USP44: variants seen among roughly 807,000 people sequenced by gnomAD.
USP44 encodes the protein ubiquitin carboxyl-terminal hydrolase 44.
In USP44, 61 loss-of-function variants were observed where a neutral mutation model predicts 69.0. The observed-to-expected ratio is 0.88, with a 90% CI of 0.72 to 1.09. The LOEUF (loss-of-function observed/expected upper bound fraction) is 1.09, where lower values mean the gene tolerates loss of function less well. USP44 is among the 50% of genes least tolerant of loss of function. USP44 has a pLI of 0.00. For missense variants in USP44, 753 were observed against 849.9 expected, an observed-to-expected ratio of 0.89 and a Z score of 1.42; for synonymous variants, 297 against 295.4, an observed-to-expected ratio of 1.01 and a Z score of -0.06.
chr12:95,523,171 T>C (rs2076722454), intron 4 of USP44, among the ~76,000 whole-genome samples: 1 of 152,146 alleles, frequency 6.6e-6, no homozygotes, highest in Non-Finnish European at 1.5e-5. Flanking sequence ...AACTCTCCTT[T>C]GTAATAAATG....
At position 95,528,937 on chromosome 12, in the gene USP44, C is replaced by CT. The variant is rs781492186; in HGVS notation, c.1493dup (p.Phe499ValfsTer21). Reference sequence around the variant, plus strand: ...CACTGCATTGATACCTTTCTGGAAACTCCAATGACAAGTCCCAGAAAGGTT... The same window carrying CT: ...CACTGCATTGATACCTTTCTGGAAACTTCCAATGACAAGTCCCAGAAAGGTT... On this transcript the variant is annotated frameshift_variant, in exon 3 of 6. Coordinates refer to ENST00000258499, the MANE Select transcript of USP44 (RefSeq NM_032147.5). LOFTEE classifies it high-confidence loss of function. 85 of 1,613,880 alleles carry CT rather than the reference C, an allele frequency of 5.3e-5. 1 individual carries two copies. The highest frequency in any genetic ancestry group is 7.2e-5 in the Non-Finnish European group (85 of 1,179,982).
At position 95,534,143 on chromosome 12, in the gene USP44, AATGGACTCGGTCGT is replaced by A. The variant is rs766390259; in HGVS notation, c.100_113del (p.Thr34LeufsTer5). ...CATGGGAGCAGCTAAGGCAAGCCCA[AATGGACTCGGTCGT>A]GTTGCAGTCCACACAGTGCCATTTC... On this transcript the variant is annotated frameshift_variant, in exon 2 of 6. Transcript: ENST00000258499. LOFTEE classifies it high-confidence loss of function. 6.2e-7 allele frequency: 1 copy of A among 1,614,174 alleles called. No homozygotes were observed. The highest frequency in any genetic ancestry group is 8.5e-7 in the Non-Finnish European group (1 of 1,180,038).
At chr12:95,521,864 A>C (rs2076675192) in intron 4 of USP44, among the ~76,000 whole-genome samples, 1 of 152,100 alleles carries the variant, frequency 6.6e-6, no homozygotes, top group African/African-American at 2.4e-5. Context: ...TACAATCTGG[A>C]TCTTTCTTGG....
At chr12:95,522,319 C>G (rs1347650982) in intron 4 of USP44, among the ~76,000 whole-genome samples, 1 of 151,930 alleles carries the variant, frequency 6.6e-6, no homozygotes, top group East Asian at 1.9e-4. Flanking sequence ...AATGCTTAGT[C>G]CAGTGTAAAA....
Position 95,518,353 on chromosome 12 carries a change from C to T in USP44, c.1940G>A (p.Gly647Glu), listed in dbSNP as rs1187062443. The change falls in exon 6 of 6, where the codon GGG (glycine) becomes GAG (glutamate). Residue 647 changes from glycine to glutamate, a missense_variant and splice_region_variant. By Grantham distance (98) the Gly-to-Glu change is moderately conservative. Transcript: ENST00000258499. ...YTAYCYNSEGGFWVHCNDSKL... is the reference protein window; with the variant it reads ...YTAYCYNSEGEFWVHCNDSKL... Reference sequence around the variant, plus strand: ...GGAATCATTGCAGTGTACCCAGAACCCTAGAGTGAAGCACAGAAATACATT... The same window carrying T: ...GGAATCATTGCAGTGTACCCAGAACTCTAGAGTGAAGCACAGAAATACATT... 15 of 1,613,732 alleles carry T rather than the reference C, an allele frequency of 9.3e-6. No homozygotes were observed. Among genetic ancestry groups the T allele is most frequent in the Non-Finnish European group, 1.3e-5 (15 of 1,179,858 alleles).
intron 1 of USP44, among the ~76,000 whole-genome samples, chr12:95,534,723 T>G (rs1285907652): frequency 6.6e-6 from 1 of 151,184 alleles, no homozygotes; most frequent in Non-Finnish European, 1.5e-5. Flanking sequence ...TGGCCCAGGC[T>G]GGAGTGCAGT....
In USP44 at chr12:95,533,702, T is replaced by A; in HGVS notation, c.555A>T (p.Val185=). 6.8e-6 allele frequency: 11 copies of A among 1,614,028 alleles called. No individual in the cohort carries two copies. Among genetic ancestry groups the A allele is most frequent in the Non-Finnish European group, 9.3e-6 (11 of 1,180,028 alleles). Residue 185 remains valine (V), a synonymous_variant, in exon 2 of 6, where the codon GTA becomes GTT. Coordinates refer to ENST00000258499, the MANE Select transcript of USP44 (RefSeq NM_032147.5). ...KQEEPFQEKI[V]VKREVKKRRQ... Reference sequence around the variant, plus strand: ...GTCTTTTCTTTACTTCTCTTTTTACTACTATTTTTTCCTGAAATGGTTCTT... The same window carrying A: ...GTCTTTTCTTTACTTCTCTTTTTACAACTATTTTTTCCTGAAATGGTTCTT...
chr12:95,548,598 T>TCC lies in USP44; in HGVS notation c.-71+2672_-71+2673dup, dbSNP rs2077653282. ...CCGCGCGCCCCTCGGCTCATTCCCT[T>TCC]CCGCGCGCCCGCAGCCCCAGGCTCT... is the stretch of plus-strand genomic sequence containing the variant. On this transcript the variant is annotated intron_variant, in intron 1 of 5. Coordinates refer to ENST00000258499, the MANE Select transcript of USP44 (RefSeq NM_032147.5). This position sits in a 1 kb window ranked among gnomAD's most constrained non-coding sequence, Gnocchi z 4.1. The TCC allele has an allele frequency of 6.6e-6, 1 of 152,154 alleles. No individual in the cohort carries two copies. The highest frequency in any genetic ancestry group is 2.4e-5 in the African/African-American group (1 of 41,144). The allele number at this position is 152,154 out of a possible 1,614,324, so 9.4% of individuals were successfully genotyped here. A position where few individuals can be genotyped will look rare whatever the true frequency, so the allele number is the denominator to read the frequency against.
intron 1 of USP44, among the ~76,000 whole-genome samples, chr12:95,544,451 C>T (rs967221437): frequency 2.6e-5 from 4 of 152,194 alleles, no homozygotes; most frequent in African/African-American, 4.8e-5. Flanking sequence ...TGGAAAGGGA[C>T]GATACAGCTG....
At position 95,528,918 on chromosome 12, in the gene USP44, A is replaced by G. The variant is rs776376509; in HGVS notation, c.1513T>C (p.Cys505Arg). The G allele has an allele frequency of 1.2e-5, 20 of 1,613,938 alleles. No individual in the cohort carries two copies. The South Asian group carries it at 2.2e-4, about 18-fold the overall frequency. Residue 505 changes from cysteine (C) to arginine (R), a missense_variant, in exon 3 of 6, where the codon TGC (cysteine) becomes CGC (arginine). Physicochemically the swap from Cys to Arg is radical, Grantham distance 180. Transcript: ENST00000258499. ...LSLEFPERYQ[C>R]SGKDIASQPC... ...TGGGAAGCAATATCTTTTCCACTGC[A>G]TTGATACCTTTCTGGAAACTCCAAT...
In USP44 at chr12:95,534,086, T is replaced by C. The variant is rs1435845942; in HGVS notation, c.171A>G (p.Ala57=). ...GACTGCTTTCTTGAAAGTGCTTGAG[T>C]GCATGCTCTTCAATATATCTTCCAC... ...VACGRYIEEH[A]LKHFQESSHP... is the part of the protein sequence containing the mutation. Residue 57 remains alanine (A), a synonymous_variant, in exon 2 of 6, where the codon GCA becomes GCG. Transcript: ENST00000258499. 3 of 1,614,042 alleles carry C rather than the reference T, an allele frequency of 1.9e-6. No homozygotes were observed. Among genetic ancestry groups the C allele is most frequent in the Non-Finnish European group, 2.5e-6 (3 of 1,180,046 alleles).
chr12:95,545,848 C>T (rs1278032417), intron 1 of USP44, among the ~76,000 whole-genome samples: 1 of 152,160 alleles, frequency 6.6e-6, no homozygotes, highest in East Asian at 1.9e-4. Flanking sequence ...ATTTCCTTTC[C>T]TTTATCCCTA....
intron 4 of USP44, chr12:95,522,174 G>A: frequency 1.1e-6 from 1 of 917,996 alleles, no homozygotes; most frequent in Non-Finnish European, 1.3e-6. Context: ...CCAGTTTGGG[G>A]TAGTATGGTA....
chr12:95,536,354 C>T (rs143198011), intron 1 of USP44, among the ~76,000 whole-genome samples: 3 of 152,066 alleles, frequency 2.0e-5, no homozygotes, highest in South Asian at 2.1e-4. Context: ...CCATTTCACA[C>T]GTTTTAAGTG....
intron 3 of USP44, 86 bp from the exon 4 acceptor site, chr12:95,524,874 G>C (rs1398225454): frequency 1.4e-5 from 17 of 1,209,974 alleles, no homozygotes; most frequent in Non-Finnish European, 2.0e-5. Context: ...AATTAAGTCA[G>C]AAATGAAAAG....
At chr12:95,543,093 AAAAAAAG>A (rs60149422) in intron 1 of USP44, among the ~76,000 whole-genome samples, 41,543 of 150,202 alleles carry the variant, frequency 0.28, 5,900 homozygotes, top group Middle Eastern at 0.35. Flanking sequence ...GTCTCAAAAA[AAAAAAAG>A]AAAGAAAATA....
rs754882410 is a variant in USP44 at position 95,521,096 on chromosome 12, G to A, written c.1840C>T (p.Pro614Ser). The change falls in exon 5 of 6, where the codon CCA becomes TCA. Residue 614 changes from proline (P) to serine (S), a missense_variant. Coordinates refer to ENST00000258499, the MANE Select transcript of USP44 (RefSeq NM_032147.5). The stretch of plus-strand genomic sequence containing the variant: ...GACAAGTCATAGATAAAGCATTCTG[G>A]TCTGAGGGATTTCAGGGTCTCCCTG... ...CCRETLKSLRPECFIYDLSAV... is the reference protein window; with the variant it reads ...CCRETLKSLRSECFIYDLSAV... 1.1e-5 allele frequency: 18 copies of A among 1,614,026 alleles called. No individual in the cohort carries two copies. Among genetic ancestry groups the A allele is most frequent in the Middle Eastern group, 3.3e-4 (2 of 6,084 alleles).
rs575464758 is a variant in USP44, at chr12:95,524,928, T to G, written c.1625-140A>C. 8.4e-5 allele frequency: 63 copies of G among 745,932 alleles called. No homozygotes were observed. In the African/African-American group the frequency reaches 1.1e-3, roughly 12 times the overall value. 46.2% of individuals were successfully genotyped at this position (745,932 alleles called of 1,614,324 possible). On this transcript the variant is annotated intron_variant, in intron 3 of 5. Transcript: ENST00000258499. ...CATTGTACTGTGCTAGAGATAGACATGGGCTTTGCCCTCAAGAAACTCATG... is the reference window on the plus strand; with the variant it reads ...CATTGTACTGTGCTAGAGATAGACAGGGGCTTTGCCCTCAAGAAACTCATG...
At chr12:95,538,439 T>C (rs977875118) in intron 1 of USP44, among the ~76,000 whole-genome samples, 38 of 152,108 alleles carry the variant, frequency 2.5e-4, no homozygotes, top group African/African-American at 8.7e-4. Context: ...GATTCCTTCT[T>C]CTCAGCCAAA....
Sources: gnomAD v4.1 joint callset for allele counts (sites outside exome capture counted in the v4.1 genomes callset) on GRCh38, gnomAD v4.1.1 for gene constraint, Gnocchi (gnomAD v3.1) non-coding constraint, MANE v1.5 for transcripts, NCBI Gene and HGNC (gene_info 2026-07-23, HGNC 2026-07-21) for gene names.